ZNF34: variants seen among roughly 807,000 people sequenced by gnomAD.
The protein encoded by ZNF34 is zinc finger protein 34 (KOX 32).
In ZNF34, 8 loss-of-function variants were observed where a neutral mutation model predicts 14.4. The observed-to-expected ratio is 0.55, with a 90% CI of 0.33 to 1.00. The LOEUF is 1.00. Ranked by LOEUF, ZNF34 falls within the 50% of genes least tolerant of loss-of-function variation. ZNF34 has a pLI of 0.03. For missense variants in ZNF34, 538 were observed against 674.2 expected, an observed-to-expected ratio of 0.80 and a Z score of 2.24; for synonymous variants, 235 against 247.9, an observed-to-expected ratio of 0.95 and a Z score of 0.49.
At chr8:144,783,874 A>C (rs1487666899) in intron 1 of ZNF34, among the ~76,000 whole-genome samples, 1 of 152,234 alleles carries the variant, frequency 6.6e-6, no homozygotes, top group African/African-American at 2.4e-5. Flanking sequence ...AGATTAGCCA[A>C]GGCAGTGTGG....
intron 1 of ZNF34, among the ~76,000 whole-genome samples, chr8:144,786,824 G>A (rs975769145): frequency 1.3e-5 from 2 of 152,046 alleles, no homozygotes; most frequent in Non-Finnish European, 2.9e-5. Flanking sequence ...GGACGCTAAA[G>A]GCAGGAGGGG....
chr8:144,772,586 C>T lies in ZNF34; in HGVS notation c.*680G>A, dbSNP rs1183778598. ...ACAGCGTCTCGCTCTGTCACCCAGG[C>T]TGGAGTACAGTGGCACAGTCTTGGC... On this transcript the variant is annotated 3_prime_UTR_variant, in exon 6 of 6. Transcript: ENST00000429371. 6.6e-6 allele frequency among the ~76,000 whole-genome samples: 1 copy of T among 152,258 alleles called. No individual in the cohort carries two copies. Among genetic ancestry groups the T allele is most frequent in the African/African-American group, 2.4e-5 (1 of 41,470 alleles).
intron 2 of ZNF34, among the ~76,000 whole-genome samples, chr8:144,778,894 G>A (rs1207144302): frequency 6.6e-6 from 1 of 152,038 alleles, no homozygotes; most frequent in Non-Finnish European, 1.5e-5. Flanking sequence ...CACCACTGTT[G>A]GTGGAAGAGC....
intron 1 of ZNF34, among the ~76,000 whole-genome samples, chr8:144,783,441 C>T (rs958642973): frequency 1.3e-5 from 2 of 152,134 alleles, no homozygotes; most frequent in African/African-American, 4.8e-5. Flanking sequence ...AATCATCATT[C>T]TTTGAGAATG....
In ZNF34 at chr8:144,773,794, G is replaced by A. The variant is rs761623077; in HGVS notation, c.1092C>T (p.His364=). The A allele has an allele frequency of 1.6e-5, 26 of 1,614,146 alleles. No individual in the cohort carries two copies. Among genetic ancestry groups the A allele is most frequent in the South Asian group, 1.2e-4 (11 of 91,088 alleles). Residue 364 remains histidine (H), a synonymous_variant, in exon 6 of 6, where the codon CAC becomes CAT. Coordinates refer to ENST00000429371, the MANE Select transcript of ZNF34 (RefSeq NM_001286769.2). The surrounding 1 kb of genome is among the most constrained non-coding windows in gnomAD (Gnocchi z 5.4). Reference sequence around the variant, plus strand: ...TGCACTCAAATGGCTTCTCTCCGGTGTGAGTCCGACGATGTCGGATAAGGA... The same window carrying A: ...TGCACTCAAATGGCTTCTCTCCGGTATGAGTCCGACGATGTCGGATAAGGA... The part of the protein sequence containing the change: ...GSILIRHRRT[H]TGEKPFECKE...
chr8:144,784,458 T>TAAAAAA (rs397891745), intron 1 of ZNF34, among the ~76,000 whole-genome samples: 35 of 126,252 alleles, frequency 2.8e-4, no homozygotes, highest in African/African-American at 1.0e-3. Flanking sequence ...ACCTAAACAT[T>TAAAAAA]AAAAAAAAAA....
At position 144,779,756 on chromosome 8, in the gene ZNF34, T is replaced by C. The variant is rs1825747836; in HGVS notation, c.-55+472A>G. On this transcript the variant is annotated intron_variant, in intron 2 of 5. Transcript: ENST00000429371. The surrounding 1 kb of genome is among the most constrained non-coding windows in gnomAD (Gnocchi z 4.1). ...CCAGCCTCCAGTCACCTCTACTGCC[T>C]GCTGCCCTCGGGCCGTCTATCCCCC... Among the ~76,000 whole-genome samples the C allele has an allele frequency of 6.6e-6, 1 of 152,154 alleles. No homozygotes were observed. The highest frequency in any genetic ancestry group is 2.4e-5 in the African/African-American group (1 of 41,442).
intron 5 of ZNF34, among the ~76,000 whole-genome samples, chr8:144,774,967 C>T (rs1825415447): frequency 6.6e-6 from 1 of 152,226 alleles, no homozygotes; most frequent in East Asian, 1.9e-4. Flanking sequence ...CCCTACTTGC[C>T]AGCTGAGTCA....
chr8:144,786,431 C>G (rs1013227180), intron 1 of ZNF34, among the ~76,000 whole-genome samples: 1 of 151,648 alleles, frequency 6.6e-6, no homozygotes, highest in South Asian at 2.1e-4. Flanking sequence ...GTCAGGAGTT[C>G]GAGACCAGCC....
In ZNF34 at chr8:144,773,278, G is replaced by A. The variant is rs775235933; in HGVS notation, c.1608C>T (p.Asp536=). 7.5e-5 allele frequency: 121 copies of A among 1,606,206 alleles called. No homozygotes were observed. The highest frequency in any genetic ancestry group is 1.0e-4 in the Non-Finnish European group (117 of 1,174,254). ...CQHQRIHLRE[D]FSM ...CACCGCGCCACTGTTACATGGAGAA[G>A]TCCTCCCGGAGGTGAATCCGCTGAT... is the stretch of plus-strand genomic sequence containing the variant. The change falls in exon 6 of 6, where the codon GAC becomes GAT. Residue 536 remains aspartate, a synonymous_variant. Coordinates refer to ENST00000429371, the MANE Select transcript of ZNF34 (RefSeq NM_001286769.2). This position sits in a 1 kb window ranked among gnomAD's most constrained non-coding sequence, Gnocchi z 5.4.
In ZNF34 at chr8:144,778,759, G is replaced by T. The variant is rs566146573; in HGVS notation, c.-54-234C>A. Among the ~76,000 whole-genome samples, 63 of 151,650 alleles carry T rather than the reference G, an allele frequency of 4.2e-4. 1 individual carries two copies. The East Asian group carries it at 0.012, about 28-fold the overall frequency. On this transcript the variant is annotated intron_variant, in intron 2 of 5. Transcript: ENST00000429371. ...CTTTTTTTTTTAATGACATGACAGGGTTTCTCTTAGTTGCCCAGGCTAGAG... is the reference window on the plus strand; with the variant it reads ...CTTTTTTTTTTAATGACATGACAGGTTTTCTCTTAGTTGCCCAGGCTAGAG...
rs760169527 is a variant in ZNF34 at position 144,777,563 on chromosome 8, C to T, written c.175G>A (p.Gly59Ser). Reference sequence around the variant, plus strand: ...TGCGAGATCACTCCAGGCTTGGGGCCTGCAGGTCCTACTCCTGGGAAGGAG... The same window carrying T: ...TGCGAGATCACTCCAGGCTTGGGGCTTGCAGGTCCTACTCCTGGGAAGGAG... ...NLVSLGVGPA[G>S]PKPGVISQLE... is the part of the protein sequence containing the mutation. The change falls in exon 5 of 6, where the codon GGC (glycine) becomes AGC (serine). Residue 59 changes from glycine to serine, a missense_variant. Physicochemically the swap from Gly to Ser is moderately conservative, Grantham distance 56. Around this residue, in one of 3 missense-constraint regions of ZNF34, gnomAD observed 431 missense variants for 525.7 expected, o/e 0.82. Coordinates refer to ENST00000429371, the MANE Select transcript of ZNF34 (RefSeq NM_001286769.2). This position sits in a 1 kb window ranked among gnomAD's most constrained non-coding sequence, Gnocchi z 4.8. 1.5e-5 allele frequency: 23 copies of T among 1,552,152 alleles called. No homozygotes were observed. In the Middle Eastern group the frequency reaches 5.0e-4, roughly 34 times the overall value.
intron 1 of ZNF34, among the ~76,000 whole-genome samples, chr8:144,785,757 T>G (rs1826188268): frequency 6.6e-6 from 1 of 152,080 alleles, no homozygotes; most frequent in Admixed American, 6.6e-5. Flanking sequence ...AAACTCTCAG[T>G]GGGGAAACCC....
At chr8:144,784,151 C>A (rs1563793861) in intron 1 of ZNF34, among the ~76,000 whole-genome samples, 1 of 145,738 alleles carries the variant, frequency 6.9e-6, no homozygotes, top group African/African-American at 2.6e-5. Context: ...CAGAGCGAGA[C>A]TACGTCTCCA....
chr8:144,786,845 A>T (rs540254326), intron 1 of ZNF34, among the ~76,000 whole-genome samples: 3 of 152,064 alleles, frequency 2.0e-5, no homozygotes, highest in Admixed American at 1.3e-4. Flanking sequence ...CGGCATTCGC[A>T]GAGGGCTGGG....
chr8:144,778,597 T>C, intron 2 of ZNF34, 72 bp from the exon 3 acceptor site: 1 of 1,257,120 alleles, frequency 8.0e-7, no homozygotes, highest in Non-Finnish European at 1.1e-6. Flanking sequence ...TACTTGGTGC[T>C]GCCATAAACA....
intron 1 of ZNF34, among the ~76,000 whole-genome samples, chr8:144,781,989 C>A (rs1330654784): frequency 1.3e-5 from 2 of 151,248 alleles, no homozygotes; most frequent in Non-Finnish European, 2.9e-5. Flanking sequence ...AGTTCGAGAC[C>A]AGCCTGGCCA....
At position 144,773,801 on chromosome 8, in the gene ZNF34, C is replaced by T. The variant is rs901544042; in HGVS notation, c.1085G>A (p.Arg362Gln). ...AAATGGCTTCTCTCCGGTGTGAGTC[C>T]GACGATGTCGGATAAGGATTGAGCC... ...SDGSILIRHR[R>Q]THTGEKPFEC... The change falls in exon 6 of 6, where the codon CGG becomes CAG. Residue 362 changes from arginine (R) to glutamine (Q), a missense_variant. Transcript: ENST00000429371. This position sits in a 1 kb window ranked among gnomAD's most constrained non-coding sequence, Gnocchi z 5.4. The T allele has an allele frequency of 4.3e-6, 7 of 1,613,962 alleles. No homozygotes were observed. Among genetic ancestry groups the T allele is most frequent in the Admixed American group, 3.3e-5 (2 of 59,996 alleles).
intron 1 of ZNF34, 128 bp from the exon 2 acceptor site, chr8:144,780,408 T>C (rs1825790276): frequency 1.4e-6 from 1 of 735,852 alleles, no homozygotes; most frequent in African/African-American, 1.8e-5. Flanking sequence ...TATATTTTTA[T>C]CATAAAAGTT....
Sources: gnomAD v4.1 joint callset for allele counts (sites outside exome capture counted in the v4.1 genomes callset) on GRCh38, gnomAD v4.1.1 for gene constraint, gnomAD v4.1.1 regional missense constraint, Gnocchi (gnomAD v3.1) non-coding constraint, MANE v1.5 for transcripts, NCBI Gene and HGNC (gene_info 2026-07-23, HGNC 2026-07-21) for gene names.